The following RTN4 variants were observed in gnomAD, a reference collection of about 807,000 sequenced individuals.
RTN4 encodes the protein reticulon 4.
RTN4 carries 32 observed loss-of-function variants against 90.4 expected under a neutral mutation model. The ratio of observed to expected loss-of-function variants is 0.35; its 90% confidence interval spans 0.27 to 0.48. The LOEUF is 0.48. Ranked by LOEUF, RTN4 falls within the 20% of genes least tolerant of loss-of-function variation. The probability of loss-of-function intolerance (pLI) is 0.99; values close to 1 mark genes in which losing one functional copy is unlikely to be tolerated. For synonymous variants in RTN4, 629 were observed against 552.5 expected (o/e 1.14, Z -1.94); for missense variants, 1,706 against 1,430.2 (o/e 1.19, Z -3.11).
chr2:55,087,062 C>A (rs1484854187), intron 1 of RTN4, among the ~76,000 whole-genome samples: 1 of 152,144 alleles, frequency 6.6e-6, no homozygotes, highest in East Asian at 1.9e-4. Context: ...CTTGTTTGTT[C>A]AGTTACGTTA....
chr2:55,108,610 G>T lies in RTN4; in HGVS notation c.-214+3910C>A, dbSNP rs1050694586. Among the ~76,000 whole-genome samples, 5 of 152,116 alleles carry T rather than the reference G, an allele frequency of 3.3e-5. No homozygotes were observed. In the East Asian group the frequency reaches 7.7e-4, roughly 24 times the overall value. ...TGGGGGAAGAGGGGTAATAAAAGCAGATTACACTGGATTTGGAAATAAGAA... is the reference window on the plus strand; with the variant it reads ...TGGGGGAAGAGGGGTAATAAAAGCATATTACACTGGATTTGGAAATAAGAA... On this transcript the variant is annotated intron_variant, in intron 1 of 3. Transcript: ENST00000427710.
At chr2:55,028,126 A>G (rs779825428) in intron 2 of RTN4, 38 bp downstream of exon 2, 1 of 1,577,610 alleles carries the variant, frequency 6.3e-7, no homozygotes, top group South Asian at 1.1e-5. Flanking sequence ...TTAAAGTTAG[A>G]ATACAGAGAG....
At chr2:55,007,296 AC>A (rs1057435431) in intron 3 of RTN4, among the ~76,000 whole-genome samples, 1 of 152,098 alleles carries the variant, frequency 6.6e-6, no homozygotes, top group Non-Finnish European at 1.5e-5. Context: ...TCTGGGCACA[AC>A]TACAGTCATC....
chr2:54,996,480 A>C (rs572588268), intron 3 of RTN4, among the ~76,000 whole-genome samples: 54 of 152,356 alleles, frequency 3.5e-4, no homozygotes, highest in African/African-American at 1.3e-3. Context: ...TAGTTACACA[A>C]GGACAAACAG....
At chr2:55,122,630 G>C in the RTN4 span, among the ~76,000 whole-genome samples, 2 of 152,232 alleles carry the variant, frequency 1.3e-5, no homozygotes, top group African/African-American at 4.8e-5. Flanking sequence ...CAGTCCTATG[G>C]GCACAAGCAG....
At chr2:55,027,853 A>G (rs1682022754) in intron 2 of RTN4, among the ~76,000 whole-genome samples, 2 of 152,192 alleles carry the variant, frequency 1.3e-5, no homozygotes, top group Admixed American at 1.3e-4. Flanking sequence ...AATGCCATAG[A>G]CTGGTATTTA....
intron 3 of RTN4, among the ~76,000 whole-genome samples, chr2:55,022,755 T>C (rs1218120162): frequency 6.6e-6 from 1 of 152,130 alleles, no homozygotes; most frequent in South Asian, 2.1e-4. Context: ...TGCAATACAG[T>C]ATCATGGCCT....
Position 55,003,906 on chromosome 2 carries a change from T to C in RTN4, c.3014-16208A>G, listed in dbSNP as rs138708752. On this transcript the variant is annotated intron_variant, in intron 3 of 8. Coordinates refer to ENST00000337526, the MANE Select transcript of RTN4 (RefSeq NM_020532.5). Reference sequence around the variant, plus strand: ...CATCTGTGGATTTTGGTATCCATGGTGTAGGGGGACGCGGGGTGGAGGGCT... The same window carrying C: ...CATCTGTGGATTTTGGTATCCATGGCGTAGGGGGACGCGGGGTGGAGGGCT... Among the ~76,000 whole-genome samples, 1,375 of 152,162 alleles carry C rather than the reference T, an allele frequency of 9.0e-3. 7 individuals carry two copies. The highest frequency in any genetic ancestry group is 0.014 in the Non-Finnish European group (943 of 67,998).
rs200670524 is a variant in RTN4 at position 55,025,232 on chromosome 2, G to A, written c.2867C>T (p.Ser956Phe). 1.5e-5 allele frequency: 25 copies of A among 1,613,838 alleles called. No individual in the cohort carries two copies. Among genetic ancestry groups the A allele is most frequent in the Middle Eastern group, 1.7e-4 (1 of 6,058 alleles). ...SKVLLLPPDV[S>F]ALATQAEIES... ...TATCTCTGCTTGAGTGGCCAAAGCAGAAACATCTGGAGGCAATAAGAGCAC... is the reference window on the plus strand; with the variant it reads ...TATCTCTGCTTGAGTGGCCAAAGCAAAAACATCTGGAGGCAATAAGAGCAC... The change falls in exon 3 of 9, where the codon TCT becomes TTT. Residue 956 changes from serine (S) to phenylalanine (F), a missense_variant. Physicochemically the swap from Ser to Phe is radical, Grantham distance 155. Coordinates refer to ENST00000337526, the MANE Select transcript of RTN4 (RefSeq NM_020532.5).
intron 3 of RTN4, among the ~76,000 whole-genome samples, chr2:55,022,236 G>A (rs1312305130): frequency 1.3e-5 from 2 of 152,118 alleles, no homozygotes; most frequent in African/African-American, 4.8e-5. Context: ...TTGCTACACC[G>A]ATTACTCCTT....
intron 1 of RTN4, among the ~76,000 whole-genome samples, chr2:55,107,551 G>C (rs58016152): frequency 6.6e-6 from 1 of 151,914 alleles, no homozygotes; most frequent in Non-Finnish European, 1.5e-5. Flanking sequence ...CATCTGGGGG[G>C]GTTTTGTGGT....
chr2:55,003,916 C>T (rs973519426), intron 3 of RTN4, among the ~76,000 whole-genome samples: 6 of 151,804 alleles, frequency 4.0e-5, no homozygotes, highest in Non-Finnish European at 5.9e-5. Flanking sequence ...TGTAGGGGGA[C>T]GCGGGGTGGA....
chr2:55,070,053 C>G (rs1668459377), intron 2 of RTN4, among the ~76,000 whole-genome samples: 3 of 152,148 alleles, frequency 2.0e-5, no homozygotes, highest in Non-Finnish European at 2.9e-5. Context: ...ATAGGGCAAA[C>G]TGATAACATG....
the RTN4 span, among the ~76,000 whole-genome samples, chr2:55,126,257 T>C: frequency 6.6e-6 from 1 of 151,658 alleles, no homozygotes; most frequent in South Asian, 2.1e-4. Flanking sequence ...TAATCTCAGC[T>C]ACTGGAGAGG....
At chr2:55,028,263 G>C in intron 1 of RTN4, 43 bp from the exon 2 acceptor site, 1 of 1,555,208 alleles carries the variant, frequency 6.4e-7, no homozygotes, top group South Asian at 1.1e-5. Context: ...AATAAAGACA[G>C]ATTGAAAGGA....
chr2:55,060,474 A>G (rs1322347726), intron 2 of RTN4: 1 of 152,236 alleles, frequency 6.6e-6, no homozygotes, highest in Non-Finnish European at 1.5e-5. Context: ...GTTAATTTCT[A>G]CATTCCTTTA....
intron 2 of RTN4, among the ~76,000 whole-genome samples, chr2:55,065,201 T>A (rs1668369025): frequency 6.6e-6 from 1 of 152,218 alleles, no homozygotes; most frequent in Non-Finnish European, 1.5e-5. Context: ...ATATCCAGCT[T>A]ACATAAATAG....
chr2:55,075,002 C>G (rs1250278247), intron 2 of RTN4, among the ~76,000 whole-genome samples: 1 of 152,152 alleles, frequency 6.6e-6, no homozygotes, highest in African/African-American at 2.4e-5. Context: ...AAGGTATTGC[C>G]CCTGATAACT....
At chr2:55,049,628 C>A in intron 1 of RTN4, 117 bp downstream of exon 1, 1 of 1,503,762 alleles carries the variant, frequency 6.6e-7, no homozygotes, top group Non-Finnish European at 9.0e-7. Flanking sequence ...GCCCCGAAGT[C>A]CGCAGACAAA....
Sources: allele counts gnomAD v4.1 joint callset (sites outside exome capture counted in the v4.1 genomes callset), GRCh38; gene constraint gnomAD v4.1.1; transcripts MANE v1.5; gene names NCBI Gene and HGNC (gene_info 2026-07-23, HGNC 2026-07-21).